GALNT18: variants seen among roughly 807,000 people sequenced by gnomAD.
GALNT18 encodes the protein GalNAc-transferase 18.
GALNT18 carries 44 observed loss-of-function variants against 69.5 expected under a neutral mutation model. The observed-to-expected ratio is 0.63, with a 90% CI of 0.50 to 0.81. The LOEUF (loss-of-function observed/expected upper bound fraction) is 0.81. GALNT18 is among the 40% of genes least tolerant of loss of function. The pLI is 0.00. For missense variants in GALNT18, 715 were observed against 810.0 expected (o/e 0.88, Z 1.42); for synonymous variants, 364 against 318.2 (o/e 1.14, Z -1.53).
At position 11,496,265 on chromosome 11, in the gene GALNT18, CT is replaced by C. The variant is rs1194098690; in HGVS notation, c.236-47330del. 6.6e-6 allele frequency among the ~76,000 whole-genome samples: 1 copy of C among 152,114 alleles called. No individual in the cohort carries two copies. Among genetic ancestry groups the C allele is most frequent in the Non-Finnish European group, 1.5e-5 (1 of 68,028 alleles). On this transcript the variant is annotated intron_variant, in intron 1 of 10. Coordinates refer to ENST00000227756, the MANE Select transcript of GALNT18 (RefSeq NM_198516.3). This position sits in a 1 kb window ranked among gnomAD's most constrained non-coding sequence, Gnocchi z 4.0. ...ACTTCATTTGATTGCAACCCTCTGC[CT>C]GAAAAATGACAGGCCCCTCTTCTGT...
Position 11,432,509 on chromosome 11 carries a change from A to T in GALNT18, c.595+112T>A. The T allele has an allele frequency of 1.8e-6, 2 of 1,088,712 alleles. No homozygotes were observed. Among genetic ancestry groups the T allele is most frequent in the Admixed American group, 5.0e-5 (2 of 40,108 alleles). 67.4% of individuals were successfully genotyped at this position (1,088,712 alleles called of 1,614,324 possible). A position where few individuals can be genotyped will look rare whatever the true frequency, so the allele number is the denominator to read the frequency against. ...CATGAATTTCTCATCTATGCTCCAG[A>T]GAAAGAGCAGCCACAGACAGCCTTG... On this transcript the variant is annotated intron_variant, in intron 3 of 10. Coordinates refer to ENST00000227756, the MANE Select transcript of GALNT18 (RefSeq NM_198516.3). The surrounding 1 kb of genome is among the most constrained non-coding windows in gnomAD (Gnocchi z 5.8).
rs1311566414 is a variant in GALNT18 at position 11,562,783 on chromosome 11, AT to A, written c.235+58575del. On this transcript the variant is annotated intron_variant, in intron 1 of 10. Coordinates refer to ENST00000227756, the MANE Select transcript of GALNT18 (RefSeq NM_198516.3). This position sits in a 1 kb window ranked among gnomAD's most constrained non-coding sequence, Gnocchi z 4.1. Reference sequence around the variant, plus strand: ...TCTGCCTTCAATCCCCATTTTAATGATGCTAACTCAAGGCTGAGAGAGGCTA... The same window carrying A: ...TCTGCCTTCAATCCCCATTTTAATGAGCTAACTCAAGGCTGAGAGAGGCTA... Among the ~76,000 whole-genome samples, 2 of 152,198 alleles carry A rather than the reference AT, an allele frequency of 1.3e-5. No individual in the cohort carries two copies. The highest frequency in any genetic ancestry group is 4.8e-5 in the African/African-American group (2 of 41,450).
Position 11,597,663 on chromosome 11 carries a change from C to CA in GALNT18, c.235+23695_235+23696insT, listed in dbSNP as rs1440213112. ...CCCTAATTTTAATAATTTGAGTATTCTTTTTTTTTTTTTTTGAGACAGAAT... is the reference window on the plus strand; with the variant it reads ...CCCTAATTTTAATAATTTGAGTATTCATTTTTTTTTTTTTTTGAGACAGAAT... On this transcript the variant is annotated intron_variant, in intron 1 of 10. Transcript: ENST00000227756. Among the ~76,000 whole-genome samples the CA allele has an allele frequency of 3.6e-5, 5 of 137,540 alleles. No individual in the cohort carries two copies. The East Asian group carries it at 8.3e-4, about 23-fold the overall frequency. The allele number at this position is 137,540 out of a possible 152,430, so 90.2% of individuals were successfully genotyped here. A position where few individuals can be genotyped will look rare whatever the true frequency, so the allele number is the denominator to read the frequency against.
chr11:11,334,646 G>A (rs1215050917), intron 7 of GALNT18, among the ~76,000 whole-genome samples: 1 of 152,144 alleles, frequency 6.6e-6, no homozygotes, highest in African/African-American at 2.4e-5. Context: ...GCTACAGCCT[G>A]AAGGTTAAAG....
Position 11,435,673 on chromosome 11 carries a change from C to T in GALNT18, c.429-2886G>A, listed in dbSNP as rs1045541655. Among the ~76,000 whole-genome samples, 2 of 152,152 alleles carry T rather than the reference C, an allele frequency of 1.3e-5. No homozygotes were observed. Among genetic ancestry groups the T allele is most frequent in the African/African-American group, 4.8e-5 (2 of 41,436 alleles). On this transcript the variant is annotated intron_variant, in intron 2 of 10. Coordinates refer to ENST00000227756, the MANE Select transcript of GALNT18 (RefSeq NM_198516.3). This position sits in a 1 kb window ranked among gnomAD's most constrained non-coding sequence, Gnocchi z 4.4. ...CTCCATGAATGTTTTTGGAATGAAA[C>T]GAACCTAACAGCTTGCTTGTTTTAT...
At chr11:11,362,443 T>G (rs1270678876) in intron 6 of GALNT18, among the ~76,000 whole-genome samples, 1 of 152,130 alleles carries the variant, frequency 6.6e-6, no homozygotes, top group Non-Finnish European at 1.5e-5. Flanking sequence ...ATTTGTATGA[T>G]GGGCAAAGTA....
chr11:11,307,071 C>G (rs1849591413), intron 9 of GALNT18, among the ~76,000 whole-genome samples: 1 of 152,200 alleles, frequency 6.6e-6, no homozygotes, highest in Non-Finnish European at 1.5e-5. Context: ...GCAGAGTCAA[C>G]TAGCTGAGCA....
Position 11,372,641 on chromosome 11 carries a change from G to T in GALNT18, c.978-12C>A. ...TGAGGGCAGGGCTCCTGCAGGGGCA[G>T]GGGAGAGCAGAAGGGCTGTCTGGTG... On this transcript the variant is annotated splice_polypyrimidine_tract_variant and intron_variant, in intron 5 of 10. Coordinates refer to ENST00000227756, the MANE Select transcript of GALNT18 (RefSeq NM_198516.3). The surrounding 1 kb of genome is among the most constrained non-coding windows in gnomAD (Gnocchi z 4.9). 1 of 1,608,386 alleles carries T rather than the reference G, an allele frequency of 6.2e-7. No individual in the cohort carries two copies. Among genetic ancestry groups the T allele is most frequent in the Non-Finnish European group, 8.5e-7 (1 of 1,175,208 alleles).
rs527689334 is a variant in GALNT18 at position 11,332,170 on chromosome 11, T to C, written c.1416+524A>G. 9.2e-5 allele frequency among the ~76,000 whole-genome samples: 14 copies of C among 151,990 alleles called. No homozygotes were observed. Among genetic ancestry groups the C allele is most frequent in the African/African-American group, 2.9e-4 (12 of 41,454 alleles). On this transcript the variant is annotated intron_variant, in intron 8 of 10. Coordinates refer to ENST00000227756, the MANE Select transcript of GALNT18 (RefSeq NM_198516.3). The surrounding 1 kb of genome is among the most constrained non-coding windows in gnomAD (Gnocchi z 4.3). ...CCCTATGCTCTGCCCCCTCCATCTT[T>C]CTCCCTCCCATCAGGGAGAACTTCT...
At chr11:11,344,940 C>T (rs1307047683) in intron 6 of GALNT18, among the ~76,000 whole-genome samples, 1 of 152,174 alleles carries the variant, frequency 6.6e-6, no homozygotes, top group African/African-American at 2.4e-5. Flanking sequence ...TGCTGAAGTG[C>T]TCAGGATACT....
intron 8 of GALNT18, among the ~76,000 whole-genome samples, chr11:11,330,719 T>G (rs1850003222): frequency 6.6e-6 from 1 of 152,240 alleles, no homozygotes; most frequent in Non-Finnish European, 1.5e-5. Flanking sequence ...AAACCAAATG[T>G]TTCTGGGGAT....
At chr11:11,489,360 G>C (rs1306324140) in intron 1 of GALNT18, among the ~76,000 whole-genome samples, 1 of 152,124 alleles carries the variant, frequency 6.6e-6, no homozygotes, top group Non-Finnish European at 1.5e-5. Flanking sequence ...GCTAGGAGAG[G>C]ACTAGTACAC....
chr11:11,483,393 T>C (rs1856574923), intron 1 of GALNT18, among the ~76,000 whole-genome samples: 1 of 152,186 alleles, frequency 6.6e-6, no homozygotes, highest in African/African-American at 2.4e-5. Flanking sequence ...TGAAGTCTCC[T>C]CATCACATGG....
chr11:11,319,303 G>A (rs1028816003), intron 9 of GALNT18, among the ~76,000 whole-genome samples: 3 of 152,228 alleles, frequency 2.0e-5, no homozygotes, highest in Non-Finnish European at 2.9e-5. Flanking sequence ...ATGCTCAAGA[G>A]AGAAACAAGT....
intron 10 of GALNT18, among the ~76,000 whole-genome samples, chr11:11,291,885 A>C (rs530581314): frequency 6.6e-6 from 1 of 152,204 alleles, no homozygotes; most frequent in Non-Finnish European, 1.5e-5. Context: ...CCCAGACCAC[A>C]GTCAAAGGTG....
At chr11:11,311,402 G>C (rs1016507393) in intron 9 of GALNT18, among the ~76,000 whole-genome samples, 6 of 152,174 alleles carry the variant, frequency 3.9e-5, no homozygotes, top group African/African-American at 1.4e-4. Flanking sequence ...TTCATATCCT[G>C]GACTCTCCTG....
intron 10 of GALNT18, among the ~76,000 whole-genome samples, chr11:11,286,759 A>G (rs982334371): frequency 1.3e-5 from 2 of 152,176 alleles, no homozygotes; most frequent in Non-Finnish European, 2.9e-5. Context: ...CTGATGGAAG[A>G]AGAGAGGGAC....
rs56791321 is a variant in GALNT18, at chr11:11,497,750, C to CTATA, written c.236-48818_236-48815dup. ...ATGTGTATGTGCATATACATATTTTCTATATATATATATATATACACACAC... is the reference window on the plus strand; with the variant it reads ...ATGTGTATGTGCATATACATATTTTCTATATATATATATATATATATACACACAC... On this transcript the variant is annotated intron_variant, in intron 1 of 10. Transcript: ENST00000227756. The surrounding 1 kb of genome is among the most constrained non-coding windows in gnomAD (Gnocchi z 4.2). 0.21 allele frequency among the ~76,000 whole-genome samples: 30,986 copies of CTATA among 144,574 alleles called. 3,549 individuals are homozygous for CTATA. The highest frequency in any genetic ancestry group is 0.29 in the South Asian group (1,309 of 4,540). The allele number at this position is 144,574 out of a possible 152,430, so 94.8% of individuals were successfully genotyped here.
In GALNT18 at chr11:11,463,031, TACA is replaced by T. The variant is rs1856079399; in HGVS notation, c.236-14098_236-14096del. Among the ~76,000 whole-genome samples the T allele has an allele frequency of 6.6e-6, 1 of 152,162 alleles. No homozygotes were observed. The highest frequency in any genetic ancestry group is 1.5e-5 in the Non-Finnish European group (1 of 68,018). On this transcript the variant is annotated intron_variant, in intron 1 of 10. Transcript: ENST00000227756. The surrounding 1 kb of genome is among the most constrained non-coding windows in gnomAD (Gnocchi z 4.2). ...TAGATGTATAGCATGCACCTGCCCC[TACA>T]GGACAGGCAGGTGGGAGGGTAAGCA... is the stretch of plus-strand genomic sequence containing the variant.
Sources: gnomAD v4.1 joint callset for allele counts (sites outside exome capture counted in the v4.1 genomes callset) on GRCh38, gnomAD v4.1.1 for gene constraint, Gnocchi (gnomAD v3.1) non-coding constraint, MANE v1.5 for transcripts, NCBI Gene and HGNC (gene_info 2026-07-23, HGNC 2026-07-21) for gene names.